Variants in ANKRD62 observed in about 807,000 individuals in gnomAD.
ANKRD62 encodes ankyrin repeat domain-containing protein 62.
Under a neutral mutation model 98.8 loss-of-function variants are expected in ANKRD62, and 61 were observed. The observed-to-expected ratio is 0.62, with a 90% CI of 0.50 to 0.76. The LOEUF is 0.76. ANKRD62 is among the 30% of genes least tolerant of loss of function. ANKRD62 has a pLI of 0.00. For missense variants in ANKRD62, 933 were observed against 1,082.9 expected, an observed-to-expected ratio of 0.86 and a Z score of 1.94; for synonymous variants, 341 against 367.9, an observed-to-expected ratio of 0.93 and a Z score of 0.84.
the ANKRD62 span, among the ~76,000 whole-genome samples, chr18:12,167,881 G>A: frequency 6.6e-6 from 1 of 152,324 alleles, no homozygotes; most frequent in South Asian, 2.1e-4. Flanking sequence ...CTGATGGCCA[G>A]TCATGATGAG....
chr18:12,171,153 G>A, the ANKRD62 span, among the ~76,000 whole-genome samples: 1 of 152,050 alleles, frequency 6.6e-6, no homozygotes, highest in Non-Finnish European at 1.5e-5. Flanking sequence ...GGTTAATATT[G>A]TTATATGTGA....
the ANKRD62 span, among the ~76,000 whole-genome samples, chr18:12,168,995 CTT>C: frequency 8.5e-5 from 13 of 152,284 alleles, no homozygotes; most frequent in Admixed American, 8.5e-4. Context: ...TATCCTGAGA[CTT>C]TGCTGAAGTT....
chr18:12,137,817 T>G, the ANKRD62 span, among the ~76,000 whole-genome samples: 1 of 152,248 alleles, frequency 6.6e-6, no homozygotes, highest in Admixed American at 6.5e-5. Context: ...TTCTTGATTT[T>G]CTAGTTTATT....
chr18:12,115,342 A>G (rs1355747767), intron 9 of ANKRD62, 51 bp from the exon 10 acceptor site: 6 of 1,469,460 alleles, frequency 4.1e-6, no homozygotes, highest in Non-Finnish European at 5.4e-6. Context: ...TATTTAGTAT[A>G]TGCTATAAAT....
chr18:12,118,187 A>G (rs1341727381), intron 10 of ANKRD62, among the ~76,000 whole-genome samples: 1 of 152,132 alleles, frequency 6.6e-6, no homozygotes, highest in Non-Finnish European at 1.5e-5. Context: ...ACCTCCCTAA[A>G]AATCCTCAGT....
intron 10 of ANKRD62, among the ~76,000 whole-genome samples, chr18:12,117,805 A>G (rs1909696551): frequency 6.6e-6 from 1 of 152,232 alleles, no homozygotes; most frequent in Admixed American, 6.5e-5. Context: ...CAGTCCTGGG[A>G]AAAAACCCCA....
the ANKRD62 span, among the ~76,000 whole-genome samples, chr18:12,140,786 A>C: frequency 3.3e-5 from 5 of 152,300 alleles, no homozygotes; most frequent in African/African-American, 1.2e-4. Flanking sequence ...TTAGGCTACT[A>C]GAGTGTCAGG....
rs537526568 is a variant in ANKRD62 at position 12,113,003 on chromosome 18, T to C, written c.1065-2085T>C. Among the ~76,000 whole-genome samples the C allele has an allele frequency of 1.3e-4, 20 of 152,278 alleles. 1 individual carries two copies. In the South Asian group the frequency reaches 4.1e-3, roughly 32 times the overall value. The stretch of plus-strand genomic sequence containing the variant: ...CTCCCCATCCCGGGTTAAGTGATTC[T>C]CATGCCTCAGCCTGCCGAGTAACTG... On this transcript the variant is annotated intron_variant, in intron 8 of 13. Coordinates refer to ENST00000587848, the MANE Select transcript of ANKRD62 (RefSeq NM_001277333.2).
chr18:12,137,697 A>C, the ANKRD62 span, among the ~76,000 whole-genome samples: 1 of 152,202 alleles, frequency 6.6e-6, no homozygotes, highest in South Asian at 2.1e-4. Context: ...TTTGGTTGGT[A>C]AGCTATTAAT....
the ANKRD62 span, among the ~76,000 whole-genome samples, chr18:12,161,078 T>TA: frequency 2.0e-4 from 30 of 152,278 alleles, no homozygotes; most frequent in African/African-American, 6.7e-4. Flanking sequence ...GGTACTATCT[T>TA]AAAATGTGTC....
the ANKRD62 span, among the ~76,000 whole-genome samples, chr18:12,145,285 C>T: frequency 2.6e-5 from 4 of 152,140 alleles, no homozygotes; most frequent in African/African-American, 4.8e-5. Flanking sequence ...TACCGCCCCC[C>T]ACCACATGGG....
chr18:12,102,833 G>A (rs933855427), intron 6 of ANKRD62: 4 of 920,924 alleles, frequency 4.3e-6, no homozygotes, highest in Non-Finnish European at 4.0e-6. Flanking sequence ...TAGTTTATCT[G>A]TTAATACTGG....
In ANKRD62 at chr18:12,128,885, C is replaced by A. The variant is rs1216293319; in HGVS notation, c.*946C>A. The A allele has an allele frequency of 6.6e-6, 1 of 152,102 alleles. No homozygotes were observed. Among genetic ancestry groups the A allele is most frequent in the East Asian group, 1.9e-4 (1 of 5,188 alleles). 9.4% of individuals were successfully genotyped at this position (152,102 alleles called of 1,614,324 possible). On this transcript the variant is annotated 3_prime_UTR_variant, in exon 14 of 14. Transcript: ENST00000587848. ...GACCATCCTGGCCAACATGGTGAAACCCCATCTCTACTAAAAAAGATAAAG... is the reference window on the plus strand; with the variant it reads ...GACCATCCTGGCCAACATGGTGAAAACCCATCTCTACTAAAAAAGATAAAG...
At chr18:12,176,312 T>G in the ANKRD62 span, among the ~76,000 whole-genome samples, 1 of 148,664 alleles carries the variant, frequency 6.7e-6, no homozygotes, top group African/African-American at 2.5e-5. Context: ...GACTAAACTT[T>G]CTGTAACATG....
chr18:12,165,056 T>C, the ANKRD62 span, among the ~76,000 whole-genome samples: 1 of 152,002 alleles, frequency 6.6e-6, no homozygotes, highest in African/African-American at 2.4e-5. Flanking sequence ...ACAATTTTTG[T>C]TTTGAAATCT....
chr18:12,165,580 C>A, the ANKRD62 span, among the ~76,000 whole-genome samples: 1 of 151,980 alleles, frequency 6.6e-6, no homozygotes, highest in Non-Finnish European at 1.5e-5. Context: ...CTTTTTATTG[C>A]CTCTCTTTAT....
At chr18:12,118,781 G>A (rs547103245) in intron 10 of ANKRD62, among the ~76,000 whole-genome samples, 15 of 152,130 alleles carry the variant, frequency 9.9e-5, no homozygotes, top group African/African-American at 2.4e-4. Flanking sequence ...ATTCATTCAC[G>A]TATTGGAGGA....
At position 12,096,222 on chromosome 18, in the gene ANKRD62, T is replaced by C. The variant is rs1160507200; in HGVS notation, c.534T>C (p.Ala178=). The change falls in exon 4 of 14, where the codon GCT becomes GCC. Residue 178 remains alanine (A), a synonymous_variant. Coordinates refer to ENST00000587848, the MANE Select transcript of ANKRD62 (RefSeq NM_001277333.2). ...SQDGHTSLLL[A]VNRKKEQMVA... is the part of the protein sequence containing the mutation. Reference sequence around the variant, plus strand: ...ATGGACATACATCACTTTTACTCGCTGTAAATAGGAAAAAAGAGCAAATGG... The same window carrying C: ...ATGGACATACATCACTTTTACTCGCCGTAAATAGGAAAAAAGAGCAAATGG... 3.3e-6 allele frequency: 5 copies of C among 1,535,534 alleles called. No individual in the cohort carries two copies. Among genetic ancestry groups the C allele is most frequent in the Admixed American group, 2.0e-5 (1 of 50,434 alleles).
Position 12,129,476 on chromosome 18 carries a change from G to C in ANKRD62, c.*1537G>C, listed in dbSNP as rs1274757679. ...AAAACAGGTAATAGGGGCCAGGCAC[G>C]GTGGCTCACGCCTGTAATCCCAACA... On this transcript the variant is annotated 3_prime_UTR_variant, in exon 14 of 14. Transcript: ENST00000587848. 3 of 152,298 alleles carry C rather than the reference G, an allele frequency of 2.0e-5. No individual in the cohort carries two copies. Among genetic ancestry groups the C allele is most frequent in the Admixed American group, 6.5e-5 (1 of 15,280 alleles). The allele number at this position is 152,298 out of a possible 1,614,324, so 9.4% of individuals were successfully genotyped here.
Sources: gnomAD v4.1 joint callset for allele counts (sites outside exome capture counted in the v4.1 genomes callset) on GRCh38, gnomAD v4.1.1 for gene constraint, MANE v1.5 for transcripts, NCBI Gene and HGNC (gene_info 2026-07-23, HGNC 2026-07-21) for gene names.